STAU2: variants seen among roughly 807,000 people sequenced by gnomAD.
The protein encoded by STAU2 is double-stranded RNA-binding protein Staufen homolog 2.
STAU2 carries 20 observed loss-of-function variants against 65.9 expected under a neutral mutation model. That is an observed-to-expected ratio of 0.30 (90% CI 0.21 to 0.44). The LOEUF (loss-of-function observed/expected upper bound fraction) is 0.44, where lower values mean the gene tolerates loss of function less well. Among genes scored for constraint, STAU2 ranks in the 20% least tolerant of loss-of-function variants. The pLI is 1.00. For missense variants in STAU2, 558 were observed against 683.9 expected (o/e 0.82, Z 2.05); for synonymous variants, 232 against 233.9 (o/e 0.99, Z 0.07).
intron 13 of STAU2, among the ~76,000 whole-genome samples, chr8:73,477,918 C>A (rs1409666644): frequency 6.6e-6 from 1 of 152,028 alleles, no homozygotes; most frequent in Non-Finnish European, 1.5e-5. Context: ...AGAATAAGTA[C>A]AATTTTGATA....
At chr8:73,574,053 T>C (rs1437913380) in intron 12 of STAU2, among the ~76,000 whole-genome samples, 4 of 151,886 alleles carry the variant, frequency 2.6e-5, no homozygotes, top group Non-Finnish European at 5.9e-5. Flanking sequence ...TAAACAAATT[T>C]ACAAGAAAAA....
chr8:73,584,093 T>C (rs1347973977), intron 11 of STAU2, among the ~76,000 whole-genome samples: 3 of 152,164 alleles, frequency 2.0e-5, no homozygotes, highest in Admixed American at 2.0e-4. Flanking sequence ...CAAGGAAATA[T>C]ATAGTGGCAG....
intron 5 of STAU2, among the ~76,000 whole-genome samples, chr8:73,684,435 C>A (rs112693450): frequency 6.6e-6 from 1 of 152,294 alleles, no homozygotes; most frequent in African/African-American, 2.4e-5. Flanking sequence ...GGATCCTCAT[C>A]TCTCACTTGA....
At chr8:73,537,269 G>C (rs1298529239) in intron 13 of STAU2, among the ~76,000 whole-genome samples, 1 of 152,096 alleles carries the variant, frequency 6.6e-6, no homozygotes, top group African/African-American at 2.4e-5. Flanking sequence ...CTGATGACTT[G>C]TGTCATCAGA....
chr8:73,731,534 A>G (rs375504847), intron 3 of STAU2, among the ~76,000 whole-genome samples: 1 of 152,208 alleles, frequency 6.6e-6, no homozygotes, highest in African/African-American at 2.4e-5. Flanking sequence ...GCTGCCTGTC[A>G]TCAATGTCTA....
At chr8:73,463,789 G>A (rs942430443) in intron 13 of STAU2, among the ~76,000 whole-genome samples, 2 of 152,112 alleles carry the variant, frequency 1.3e-5, no homozygotes, top group African/African-American at 2.4e-5. Context: ...TGGCAACCAC[G>A]AGGATATTCA....
chr8:73,727,363 G>A (rs1177779309), intron 3 of STAU2, among the ~76,000 whole-genome samples: 1 of 152,156 alleles, frequency 6.6e-6, no homozygotes, highest in Non-Finnish European at 1.5e-5. Context: ...ACACCCATTA[G>A]GCAGTTGCTT....
At chr8:73,550,639 A>G (rs1807266057) in intron 13 of STAU2, 12 of 980,402 alleles carry the variant, frequency 1.2e-5, no homozygotes, top group Non-Finnish European at 1.5e-5. Flanking sequence ...CTTTATATAA[A>G]TTGAGATCTT....
chr8:73,553,289 C>A (rs1476874415), intron 12 of STAU2, among the ~76,000 whole-genome samples: 1 of 152,188 alleles, frequency 6.6e-6, no homozygotes. Context: ...AGAGACACAA[C>A]TTAATTTCCT....
intron 6 of STAU2, among the ~76,000 whole-genome samples, chr8:73,646,887 T>A (rs1815414772): frequency 6.7e-6 from 1 of 148,816 alleles, no homozygotes; most frequent in Non-Finnish European, 1.5e-5. Flanking sequence ...AAAAACAATT[T>A]TATAGAAAAT....
chr8:73,507,138 G>C (rs559564637), intron 13 of STAU2, among the ~76,000 whole-genome samples: 1 of 150,542 alleles, frequency 6.6e-6, no homozygotes, highest in East Asian at 1.9e-4. Context: ...CTCCTCCCAT[G>C]AATCACAAAT....
At chr8:73,700,929 G>A (rs924225049) in intron 4 of STAU2, among the ~76,000 whole-genome samples, 5 of 151,892 alleles carry the variant, frequency 3.3e-5, no homozygotes, top group Non-Finnish European at 7.4e-5. Flanking sequence ...TAAACACACA[G>A]ACCAATGGAA....
At chr8:73,473,514 C>T (rs1001523936) in intron 13 of STAU2, among the ~76,000 whole-genome samples, 1 of 152,168 alleles carries the variant, frequency 6.6e-6, no homozygotes, top group Non-Finnish European at 1.5e-5. Flanking sequence ...GCAATGTGCA[C>T]ACTGGGCGTT....
intron 3 of STAU2, among the ~76,000 whole-genome samples, chr8:73,718,035 AATAAT>A (rs1420199121): frequency 2.0e-5 from 3 of 152,264 alleles, no homozygotes; most frequent in Non-Finnish European, 2.9e-5. Context: ...TTATTGAGAT[AATAAT>A]ATGTCAATGA....
At chr8:73,592,790 C>T (rs1460228778) in intron 11 of STAU2, among the ~76,000 whole-genome samples, 2 of 152,074 alleles carry the variant, frequency 1.3e-5, no homozygotes, top group African/African-American at 4.8e-5. Context: ...ACCTGAGAGG[C>T]GGAGGTTGCA....
At chr8:73,481,526 A>AAAC (rs1554595603) in intron 13 of STAU2, among the ~76,000 whole-genome samples, 2 of 150,194 alleles carry the variant, frequency 1.3e-5, no homozygotes, top group South Asian at 2.2e-4. Flanking sequence ...CAAAAAAAAA[A>AAAC]AACACTTTTT....
At chr8:73,470,658 G>T (rs891037846) in intron 13 of STAU2, among the ~76,000 whole-genome samples, 4 of 151,878 alleles carry the variant, frequency 2.6e-5, no homozygotes, top group Non-Finnish European at 5.9e-5. Context: ...TTTTAAATTA[G>T]CTGGGTGTGG....
chr8:73,539,964 A>T (rs1436963774), intron 13 of STAU2, among the ~76,000 whole-genome samples: 1 of 152,146 alleles, frequency 6.6e-6, no homozygotes, highest in Non-Finnish European at 1.5e-5. Flanking sequence ...CAGAAGGAAA[A>T]AGAGAGAAAA....
chr8:73,570,539 C>T (rs898298499), intron 12 of STAU2, among the ~76,000 whole-genome samples: 4 of 152,124 alleles, frequency 2.6e-5, no homozygotes, highest in Admixed American at 6.5e-5. Context: ...GTATATTATC[C>T]CAGAGAACTT....
Sources: allele counts gnomAD v4.1 joint callset (sites outside exome capture counted in the v4.1 genomes callset), GRCh38; gene constraint gnomAD v4.1.1; transcripts MANE v1.5; gene names NCBI Gene and HGNC (gene_info 2026-07-23, HGNC 2026-07-21).